KCNIP4: variants seen among roughly 807,000 people sequenced by gnomAD.
KCNIP4 encodes the protein Kv channel-interacting protein 4.
A neutral mutation model predicts 34.0 loss-of-function variants in KCNIP4; 12 were observed. The ratio of observed to expected loss-of-function variants is 0.35; its 90% CI spans 0.23 to 0.57. The LOEUF (loss-of-function observed/expected upper bound fraction) is 0.57, where lower values mean the gene tolerates loss of function less well. KCNIP4 is among the 20% of genes least tolerant of loss of function. The pLI is 0.83. For missense variants in KCNIP4, 238 were observed against 311.7 expected (o/e 0.76, Z 1.78); for synonymous variants, 124 against 102.2 (o/e 1.21, Z -1.29).
rs556137129 is a variant in KCNIP4, at chr4:21,564,165, G to T, written c.61+384406C>A. Reference sequence around the variant, plus strand: ...TGCTCTATTATTCTCTTGTAAAATAGATTGTGGTTCTTTTTATTTCTGTAA... The same window carrying T: ...TGCTCTATTATTCTCTTGTAAAATATATTGTGGTTCTTTTTATTTCTGTAA... On this transcript the variant is annotated intron_variant, in intron 1 of 8. Transcript: ENST00000382152. Among the ~76,000 whole-genome samples the T allele has an allele frequency of 2.0e-5, 3 of 152,236 alleles. No individual in the cohort carries two copies. The South Asian group carries it at 6.2e-4, about 32-fold the overall frequency.
Position 20,985,869 on chromosome 4 carries a change from A to G in KCNIP4, c.62-103160T>C, listed in dbSNP as rs578242287. Among the ~76,000 whole-genome samples the G allele has an allele frequency of 6.6e-5, 10 of 152,322 alleles. No individual in the cohort carries two copies. The East Asian group carries it at 1.9e-3, about 29-fold the overall frequency. ...GAATCATTACTAGAAGTATTATAGT[A>G]TACCATGCTCAAGTTTTGAGGTTGG... On this transcript the variant is annotated intron_variant, in intron 1 of 8. Coordinates refer to ENST00000382152, the MANE Select transcript of KCNIP4 (RefSeq NM_025221.6).
intron 1 of KCNIP4, among the ~76,000 whole-genome samples, chr4:20,938,170 T>C (rs1383146043): frequency 2.0e-5 from 3 of 151,336 alleles, no homozygotes; most frequent in Admixed American, 6.6e-5. Context: ...GAATCTTCTC[T>C]AGATTTTCTC....
chr4:21,707,967 ACG>A (rs1553923253), intron 1 of KCNIP4, among the ~76,000 whole-genome samples: 1 of 149,232 alleles, frequency 6.7e-6, no homozygotes, highest in African/African-American at 2.5e-5. Flanking sequence ...ACACACACAC[ACG>A]GATAATGTCA....
intron 1 of KCNIP4, among the ~76,000 whole-genome samples, chr4:20,892,768 T>C (rs142092136): frequency 1.4e-4 from 22 of 152,310 alleles, no homozygotes; most frequent in African/African-American, 4.8e-4. Context: ...CGCTTCTAAG[T>C]GTGTTTGTTT....
At chr4:21,386,705 A>G (rs1177141070) in intron 1 of KCNIP4, among the ~76,000 whole-genome samples, 2 of 152,150 alleles carry the variant, frequency 1.3e-5, no homozygotes, top group Non-Finnish European at 2.9e-5. Context: ...TTCATTCCTC[A>G]GGTGAGGGAG....
intron 1 of KCNIP4, among the ~76,000 whole-genome samples, chr4:21,765,918 AG>A (rs1718389085): frequency 6.6e-6 from 1 of 151,846 alleles, no homozygotes; most frequent in Admixed American, 6.6e-5. Flanking sequence ...AAAGATACTT[AG>A]GAAAAGGCAT....
chr4:21,934,018 T>C (rs148331567), intron 1 of KCNIP4, among the ~76,000 whole-genome samples: 174 of 152,204 alleles, frequency 1.1e-3, no homozygotes, highest in African/African-American at 4.0e-3. Context: ...GGACAGAGGA[T>C]AGCTGAAGTT....
intron 1 of KCNIP4, among the ~76,000 whole-genome samples, chr4:21,572,937 T>C (rs908289066): frequency 1.3e-5 from 2 of 152,126 alleles, no homozygotes; most frequent in African/African-American, 4.8e-5. Context: ...TCATCCTTCT[T>C]TTCTTGCCTT....
At chr4:21,933,767 A>G (rs1237219220) in intron 1 of KCNIP4, among the ~76,000 whole-genome samples, 1 of 152,102 alleles carries the variant, frequency 6.6e-6, no homozygotes, top group Non-Finnish European at 1.5e-5. Flanking sequence ...GTACTTGCTA[A>G]TTTAATAGGA....
In KCNIP4 at chr4:20,988,000, C is replaced by CAAAAAAAAAAAAAAAAAAAAAA. The variant is rs36044149; in HGVS notation, c.62-105313_62-105292dup. Among the ~76,000 whole-genome samples, 152 of 46,298 alleles carry CAAAAAAAAAAAAAAAAAAAAAA rather than the reference C, an allele frequency of 3.3e-3. 11 individuals are homozygous for CAAAAAAAAAAAAAAAAAAAAAA. The highest frequency in any genetic ancestry group is 0.01 in the East Asian group (14 of 1,374). The allele number at this position is 46,298 out of a possible 152,430, so 30.4% of individuals were successfully genotyped here. On this transcript the variant is annotated intron_variant, in intron 1 of 8. Transcript: ENST00000382152. The stretch of plus-strand genomic sequence containing the variant: ...TGGGCGACACGGCGAGATTCCATCT[C>CAAAAAAAAAAAAAAAAAAAAAA]AAAAAAAAAAAAAAAAAAAAAATTA...
intron 3 of KCNIP4, among the ~76,000 whole-genome samples, chr4:20,835,379 C>T (rs180758997): frequency 1.5e-4 from 22 of 151,552 alleles, no homozygotes; most frequent in African/African-American, 3.9e-4. Flanking sequence ...GGTTCAATTC[C>T]CAGCCTTGCC....
intron 1 of KCNIP4, among the ~76,000 whole-genome samples, chr4:21,837,128 AG>A (rs1315133499): frequency 1.3e-5 from 2 of 150,292 alleles, no homozygotes; most frequent in Admixed American, 6.6e-5. Flanking sequence ...CATGTTAGCC[AG>A]GATGGTCTCG....
intron 1 of KCNIP4, among the ~76,000 whole-genome samples, chr4:21,761,982 T>C (rs1718088936): frequency 6.6e-6 from 1 of 152,050 alleles, no homozygotes; most frequent in Non-Finnish European, 1.5e-5. Context: ...ATGTGAAAAA[T>C]CATATTATAA....
At chr4:21,642,316 T>G (rs1429548457) in intron 1 of KCNIP4, among the ~76,000 whole-genome samples, 1 of 149,564 alleles carries the variant, frequency 6.7e-6, no homozygotes, top group Non-Finnish European at 1.5e-5. Flanking sequence ...AGCTATAGCA[T>G]GATCATGGAA....
intron 2 of KCNIP4, among the ~76,000 whole-genome samples, chr4:20,873,883 T>C (rs1183053597): frequency 6.6e-6 from 1 of 152,186 alleles, no homozygotes; most frequent in Non-Finnish European, 1.5e-5. Context: ...TGGCTAAGCT[T>C]TATCTTTTGA....
chr4:21,234,612 G>A (rs898464084), intron 1 of KCNIP4, among the ~76,000 whole-genome samples: 1 of 129,418 alleles, frequency 7.7e-6, no homozygotes, highest in Admixed American at 8.4e-5. Context: ...TACATATAAC[G>A]TATATAATAT....
chr4:21,875,377 A>G (rs1366184905), intron 1 of KCNIP4, among the ~76,000 whole-genome samples: 1 of 152,234 alleles, frequency 6.6e-6, no homozygotes, highest in African/African-American at 2.4e-5. Flanking sequence ...ATTAAATTCA[A>G]ACAAATAAAT....
At chr4:21,694,716 T>C (rs2109050788) in intron 1 of KCNIP4, among the ~76,000 whole-genome samples, 1 of 152,138 alleles carries the variant, frequency 6.6e-6, no homozygotes, top group South Asian at 2.1e-4. Flanking sequence ...TAACTTGTGA[T>C]AACACTAATA....
At chr4:21,336,425 T>C (rs1033607538) in intron 1 of KCNIP4, among the ~76,000 whole-genome samples, 2 of 152,114 alleles carry the variant, frequency 1.3e-5, no homozygotes, top group Non-Finnish European at 2.9e-5. Context: ...TTTTTACTAA[T>C]TACTACTGCA....
Sources: allele counts gnomAD v4.1 joint callset (sites outside exome capture counted in the v4.1 genomes callset), GRCh38; gene constraint gnomAD v4.1.1; transcripts MANE v1.5; gene names NCBI Gene and HGNC (gene_info 2026-07-23, HGNC 2026-07-21).